Variants in GPR137C observed in about 807,000 individuals in gnomAD.
GPR137C encodes G protein-coupled receptor 137C.
Under a neutral mutation model 43.4 loss-of-function variants are expected in GPR137C, and 27 were observed. That is an observed-to-expected ratio of 0.62 (90% CI 0.46 to 0.86). The LOEUF (loss-of-function observed/expected upper bound fraction) is 0.86, where lower values mean the gene tolerates loss of function less well. Ranked by LOEUF, GPR137C falls within the 40% of genes least tolerant of loss-of-function variation. GPR137C has a pLI of 0.00. For synonymous variants in GPR137C, 285 were observed against 226.9 expected, an observed-to-expected ratio of 1.26 and a Z score of -2.30; for missense variants, 522 against 534.6, an observed-to-expected ratio of 0.98 and a Z score of 0.23.
chr14:52,599,484 A>G (rs1235527967), intron 2 of GPR137C, among the ~76,000 whole-genome samples: 1 of 146,494 alleles, frequency 6.8e-6, no homozygotes, highest in East Asian at 2.0e-4. Flanking sequence ...CCCAGGCTGG[A>G]GTGCAGTGGC....
At chr14:52,561,511 C>T (rs955375717) in intron 1 of GPR137C, among the ~76,000 whole-genome samples, 1 of 152,116 alleles carries the variant, frequency 6.6e-6, no homozygotes, top group Non-Finnish European at 1.5e-5. Context: ...AGCATATGTT[C>T]CTATAAAAAC....
At chr14:52,555,758 AGT>A (rs1040942812) in intron 1 of GPR137C, among the ~76,000 whole-genome samples, 3 of 152,156 alleles carry the variant, frequency 2.0e-5, no homozygotes, top group Non-Finnish European at 4.4e-5. Flanking sequence ...TGCTAAAAAG[AGT>A]GTGAGTTGTT....
chr14:52,618,047 C>T (rs766506952), intron 3 of GPR137C, among the ~76,000 whole-genome samples: 1 of 152,012 alleles, frequency 6.6e-6, no homozygotes, highest in Non-Finnish European at 1.5e-5. Context: ...CAAAATTTGA[C>T]TGGAGAGGGG....
chr14:52,612,269 C>A (rs2139551695), intron 3 of GPR137C: 2 of 945,354 alleles, frequency 2.1e-6, no homozygotes, highest in Non-Finnish European at 1.3e-6. Context: ...TAATTTTATA[C>A]CCTGCTTTTC....
chr14:52,558,699 A>G (rs2038232491), intron 1 of GPR137C, among the ~76,000 whole-genome samples: 1 of 150,948 alleles, frequency 6.6e-6, no homozygotes. Flanking sequence ...GTACACAATA[A>G]TTAATCATTT....
intron 3 of GPR137C, among the ~76,000 whole-genome samples, chr14:52,606,229 T>C (rs1252890722): frequency 6.6e-6 from 1 of 152,186 alleles, no homozygotes; most frequent in Admixed American, 6.5e-5. Flanking sequence ...TTACTCATTA[T>C]TGATGTATTC....
intron 1 of GPR137C, among the ~76,000 whole-genome samples, chr14:52,585,572 G>T (rs1391547926): frequency 6.6e-6 from 1 of 152,192 alleles, no homozygotes; most frequent in South Asian, 2.1e-4. Flanking sequence ...GGTGGCTCAC[G>T]CCTGTAATCC....
In GPR137C at chr14:52,554,510, T is replaced by C. The variant is rs1303314772; in HGVS notation, c.444+919T>C. ...AAGGTTGTCAATCATGTGTGTCAGC[T>C]TGTGGTATTTAAGCCATAATATTTT... On this transcript the variant is annotated intron_variant, in intron 1 of 6. Transcript: ENST00000321662. Among the ~76,000 whole-genome samples the C allele has an allele frequency of 4.6e-5, 7 of 152,174 alleles. No homozygotes were observed. The East Asian group carries it at 7.7e-4, about 17-fold the overall frequency.
intron 1 of GPR137C, among the ~76,000 whole-genome samples, chr14:52,554,164 T>C (rs11626951): frequency 0.094 from 14,277 of 152,182 alleles, 757 homozygotes; most frequent in South Asian, 0.15. Context: ...CCCAGCAGGG[T>C]TGATGATCAA....
intron 3 of GPR137C, among the ~76,000 whole-genome samples, chr14:52,603,744 G>A (rs545506705): frequency 6.6e-6 from 1 of 151,950 alleles, no homozygotes; most frequent in Non-Finnish European, 1.5e-5. Context: ...TCACCATGTT[G>A]GCCGGGCTGG....
chr14:52,552,900 T>A lies in GPR137C; in HGVS notation c.-248T>A, dbSNP rs1258716154. On this transcript the variant is annotated 5_prime_UTR_variant, in exon 1 of 7. Coordinates refer to ENST00000321662, the MANE Select transcript of GPR137C (RefSeq NM_001099652.2). ...TGATTGTCTCCAGCCGAGAGTTGTT[T>A]TTTGCAGCTACGGAGCCGAGCCGCA... 3.0e-4 allele frequency among the ~76,000 whole-genome samples: 45 copies of A among 151,686 alleles called. No individual in the cohort carries two copies. The highest frequency in any genetic ancestry group is 2.9e-5 in the Non-Finnish European group (2 of 67,856).
intron 1 of GPR137C, among the ~76,000 whole-genome samples, chr14:52,568,409 G>T (rs2038406589): frequency 1.3e-5 from 2 of 151,508 alleles, no homozygotes; most frequent in Admixed American, 6.6e-5. Context: ...AACTGCAGGA[G>T]TTTTTTTTTC....
chr14:52,629,996 C>T (rs544522315), intron 3 of GPR137C, among the ~76,000 whole-genome samples: 1 of 152,212 alleles, frequency 6.6e-6, no homozygotes, highest in East Asian at 1.9e-4. Flanking sequence ...AGTTGAATTG[C>T]TTGTTCTGAC....
chr14:52,582,811 T>A (rs2139487598), intron 1 of GPR137C, among the ~76,000 whole-genome samples: 1 of 151,636 alleles, frequency 6.6e-6, no homozygotes, highest in South Asian at 2.1e-4. Context: ...AAATAAATAA[T>A]TAAAAATAAT....
intron 1 of GPR137C, among the ~76,000 whole-genome samples, chr14:52,567,259 G>A (rs1418651101): frequency 1.3e-5 from 2 of 152,066 alleles, no homozygotes; most frequent in African/African-American, 2.4e-5. Context: ...TACCTCATGG[G>A]GTTGTGAAGT....
At chr14:52,564,750 A>C (rs1264327976) in intron 1 of GPR137C, among the ~76,000 whole-genome samples, 1 of 152,170 alleles carries the variant, frequency 6.6e-6, no homozygotes, top group Non-Finnish European at 1.5e-5. Context: ...TTGCTGTATT[A>C]GGTATTGGTA....
At chr14:52,631,927 T>A (rs189001977) in intron 3 of GPR137C, among the ~76,000 whole-genome samples, 1 of 149,608 alleles carries the variant, frequency 6.7e-6, no homozygotes, top group African/African-American at 2.5e-5. Flanking sequence ...ACAAAATCTT[T>A]CTCCAGCTGC....
At chr14:52,557,784 A>G (rs1594777525) in intron 1 of GPR137C, among the ~76,000 whole-genome samples, 2 of 152,228 alleles carry the variant, frequency 1.3e-5, no homozygotes, top group Admixed American at 1.3e-4. Context: ...GCTAATATGT[A>G]TCAGTTGTGA....
chr14:52,560,707 G>A (rs1446210700), intron 1 of GPR137C, among the ~76,000 whole-genome samples: 2 of 152,014 alleles, frequency 1.3e-5, no homozygotes, highest in Non-Finnish European at 2.9e-5. Context: ...TATTCGTATG[G>A]GAAAAATGAA....
Sources: allele counts gnomAD v4.1 joint callset (sites outside exome capture counted in the v4.1 genomes callset), GRCh38; gene constraint gnomAD v4.1.1; transcripts MANE v1.5; gene names NCBI Gene and HGNC (gene_info 2026-07-23, HGNC 2026-07-21).